ELP1: variants seen among roughly 807,000 people sequenced by gnomAD.
ELP1 encodes the protein elongator acetyltransferase complex subunit 1.
Under a neutral mutation model 183.2 loss-of-function variants are expected in ELP1, and 131 were observed. The observed-to-expected ratio is 0.72, with a 90% CI of 0.62 to 0.83. The LOEUF (loss-of-function observed/expected upper bound fraction) is 0.83, where lower values mean the gene tolerates loss of function less well. Among genes scored for constraint, ELP1 ranks in the 40% least tolerant of loss-of-function variants. The pLI is 0.00. For synonymous variants in ELP1, 555 were observed against 569.0 expected, an observed-to-expected ratio of 0.98 and a Z score of 0.35; for missense variants, 1,550 against 1,594.9, an observed-to-expected ratio of 0.97 and a Z score of 0.48.
chr9:108,874,540 T>C (rs1194580984), intron 36 of ELP1, among the ~76,000 whole-genome samples: 2 of 152,212 alleles, frequency 1.3e-5, no homozygotes, highest in Non-Finnish European at 2.9e-5. Context: ...TAACTGCCAA[T>C]AGCCAGTAAT....
chr9:108,925,995 A>G (rs759652480), intron 5 of ELP1, among the ~76,000 whole-genome samples: 1 of 152,200 alleles, frequency 6.6e-6, no homozygotes, highest in Non-Finnish European at 1.5e-5. Flanking sequence ...TCCCTCTTCA[A>G]TCAGGCCAGC....
intron 3 of ELP1, 98 bp from the exon 4 acceptor site, chr9:108,927,551 A>C: frequency 1.1e-6 from 1 of 916,460 alleles, no homozygotes; most frequent in Non-Finnish European, 1.8e-6. Flanking sequence ...ACAAAACGAA[A>C]AGACATCAGT....
At chr9:108,874,069 C>G (rs954660825) in intron 36 of ELP1, among the ~76,000 whole-genome samples, 1 of 152,198 alleles carries the variant, frequency 6.6e-6, no homozygotes, top group African/African-American at 2.4e-5. Context: ...TGAATCCCCA[C>G]AGGCTACTTC....
intron 25 of ELP1, among the ~76,000 whole-genome samples, chr9:108,894,583 T>C (rs538255344): frequency 3.3e-5 from 5 of 152,358 alleles, no homozygotes; most frequent in African/African-American, 9.6e-5. Flanking sequence ...CTTGGAATAA[T>C]AGTAACTTCC....
chr9:108,878,578 A>G, intron 34 of ELP1, 45 bp downstream of exon 34: 4 of 1,613,128 alleles, frequency 2.5e-6, no homozygotes, highest in Non-Finnish European at 3.4e-6. Context: ...CTGCCTATTC[A>G]CTATTGTTTG....
chr9:108,889,491 C>A, intron 28 of ELP1, 98 bp from the exon 29 acceptor site: 1 of 1,122,956 alleles, frequency 8.9e-7, no homozygotes. Flanking sequence ...AAACTATGTA[C>A]TTTCTGAATT....
rs1159708225 is a variant in ELP1 at position 108,889,324 on chromosome 9, G to C, written c.3222+8C>G. On this transcript the variant is annotated splice_region_variant and intron_variant, in intron 29 of 36. Transcript: ENST00000374647. The stretch of plus-strand genomic sequence containing the variant: ...CTGGGGGGTTTAGAAGGGAGGAATT[G>C]AGTTTACCTGGGCACACTCTTCCAA... The C allele has an allele frequency of 1.9e-6, 3 of 1,613,282 alleles. No homozygotes were observed. Among genetic ancestry groups the C allele is most frequent in the East Asian group, 2.2e-5 (1 of 44,864 alleles).
At position 108,868,988 on chromosome 9, in the gene ELP1, C is replaced by CT. The variant is rs1827335187; in HGVS notation, c.*126dup. 1 of 813,944 alleles carries CT rather than the reference C, an allele frequency of 1.2e-6. No homozygotes were observed. Among genetic ancestry groups the CT allele is most frequent in the African/African-American group, 1.7e-5 (1 of 59,810 alleles). The allele number at this position is 813,944 out of a possible 1,614,324, so 50.4% of individuals were successfully genotyped here. A position where few individuals can be genotyped will look rare whatever the true frequency, so the allele number is the denominator to read the frequency against. ...TTGTCTGCTGAAGTTCTTGGCAATG[C>CT]TAAGGTAAGTTATCATTTTACTCTT... On this transcript the variant is annotated 3_prime_UTR_variant, in exon 37 of 37. Transcript: ENST00000374647.
At chr9:108,926,795 T>C (rs1000435518) in intron 4 of ELP1, among the ~76,000 whole-genome samples, 192 bp from the exon 5 acceptor site, 8 of 152,176 alleles carry the variant, frequency 5.3e-5, no homozygotes, top group Non-Finnish European at 1.2e-4. Context: ...ATAAGTCACC[T>C]GGTGCTTATG....
chr9:108,893,587 T>C (rs1361687796), intron 26 of ELP1, among the ~76,000 whole-genome samples: 1 of 152,180 alleles, frequency 6.6e-6, no homozygotes, highest in Non-Finnish European at 1.5e-5. Flanking sequence ...GGTGGCCTCA[T>C]CACTCTCTCC....
chr9:108,933,440 G>T (rs1830065218), intron 1 of ELP1, among the ~76,000 whole-genome samples: 1 of 152,186 alleles, frequency 6.6e-6, no homozygotes, highest in Non-Finnish European at 1.5e-5. Flanking sequence ...TAACGGGAGA[G>T]AAAGCCACGT....
chr9:108,878,487 C>G, intron 34 of ELP1, 136 bp downstream of exon 34: 1 of 1,147,880 alleles, frequency 8.7e-7, no homozygotes, highest in South Asian at 1.2e-5. Flanking sequence ...GCAGACATGA[C>G]CCTTCCTGCT....
At chr9:108,915,009 T>C (rs1829379528) in intron 10 of ELP1, among the ~76,000 whole-genome samples, 1 of 152,172 alleles carries the variant, frequency 6.6e-6, no homozygotes, top group African/African-American at 2.4e-5. Context: ...ACAAGAAAAT[T>C]TGAATAGTGA....
chr9:108,907,516 T>C (rs1025199045), intron 13 of ELP1, among the ~76,000 whole-genome samples: 1 of 152,200 alleles, frequency 6.6e-6, no homozygotes, highest in African/African-American at 2.4e-5. Context: ...ACATTATTTA[T>C]TAAATTCTGC....
chr9:108,927,233 T>C (rs538704887), intron 4 of ELP1, 139 bp downstream of exon 4: 148 of 716,718 alleles, frequency 2.1e-4, no homozygotes, highest in Non-Finnish European at 2.9e-4. Context: ...ACATAATTGG[T>C]ATTATACTGG....
At chr9:108,894,526 C>T (rs1587888508) in intron 25 of ELP1, among the ~76,000 whole-genome samples, 1 of 152,344 alleles carries the variant, frequency 6.6e-6, no homozygotes, top group East Asian at 1.9e-4. Flanking sequence ...GAACATCAAA[C>T]AAGCTTTGGC....
chr9:108,869,794 G>A (rs1827370977), intron 36 of ELP1, among the ~76,000 whole-genome samples: 1 of 152,140 alleles, frequency 6.6e-6, no homozygotes, highest in Admixed American at 6.5e-5. Flanking sequence ...ATCATATACT[G>A]CAAGCAGAGA....
intron 5 of ELP1, among the ~76,000 whole-genome samples, chr9:108,924,632 T>C (rs1420785645): frequency 6.6e-6 from 1 of 152,216 alleles, no homozygotes; most frequent in African/African-American, 2.4e-5. Flanking sequence ...ATCTGCTCCC[T>C]GAGACAGTCC....
chr9:108,913,911 G>A (rs763777477), intron 10 of ELP1, among the ~76,000 whole-genome samples: 23 of 152,200 alleles, frequency 1.5e-4, no homozygotes, highest in Non-Finnish European at 3.1e-4. Flanking sequence ...TTAATCGGTG[G>A]TTCTCAACTG....
Sources: allele counts gnomAD v4.1 joint callset (sites outside exome capture counted in the v4.1 genomes callset), GRCh38; gene constraint gnomAD v4.1.1; transcripts MANE v1.5; gene names NCBI Gene and HGNC (gene_info 2026-07-23, HGNC 2026-07-21).